CCDC7: variants seen among roughly 807,000 people sequenced by gnomAD.
The protein encoded by CCDC7 is coiled-coil domain-containing protein 7.
In CCDC7, 183 loss-of-function variants were observed where a neutral mutation model predicts 196.9. The observed-to-expected ratio is 0.93, with a 90% CI of 0.82 to 1.05. The LOEUF is 1.05. CCDC7 is among the 50% of genes least tolerant of loss of function. The pLI, the probability that CCDC7 is intolerant of heterozygous loss-of-function variation, is 0.00. For missense variants in CCDC7, 1,540 were observed against 1,482.2 expected (o/e 1.04, Z -0.64); for synonymous variants, 525 against 484.6 (o/e 1.08, Z -1.10).
intron 21 of CCDC7, among the ~76,000 whole-genome samples, chr10:32,676,471 C>G (rs1454942182): frequency 6.6e-6 from 1 of 151,416 alleles, no homozygotes; most frequent in Non-Finnish European, 1.5e-5. Context: ...ACCTACTCAT[C>G]TGACAAAGGG....
intron 5 of CCDC7, among the ~76,000 whole-genome samples, chr10:32,467,893 G>A (rs2133836162): frequency 6.6e-6 from 1 of 152,244 alleles, no homozygotes; most frequent in Admixed American, 6.5e-5. Flanking sequence ...TCAGATAGTT[G>A]TAGGTGTGCA....
Position 32,462,700 on chromosome 10 carries a change from T to TAAA in CCDC7, c.476_477insAAA (p.Lys159dup). 2.1e-6 allele frequency: 3 copies of TAAA among 1,457,556 alleles called. No homozygotes were observed. The South Asian group carries it at 3.8e-5, about 18-fold the overall frequency. The allele number at this position is 1,457,556 out of a possible 1,614,324, so 90.3% of individuals were successfully genotyped here. On this transcript the variant is annotated inframe_insertion, in exon 4 of 42. Transcript: ENST00000639629. Reference sequence around the variant, plus strand: ...TTTTTCAGATTTTGGAATCTCTTTTTAAGGTACGTTCAATATATTACAGCT... The same window carrying TAAA: ...TTTTTCAGATTTTGGAATCTCTTTTTAAAAAGGTACGTTCAATATATTACAGCT...
chr10:32,613,362 G>C (rs977941122), intron 18 of CCDC7, among the ~76,000 whole-genome samples: 1 of 150,884 alleles, frequency 6.6e-6, no homozygotes, highest in Admixed American at 6.7e-5. Flanking sequence ...CAAAAAACTA[G>C]CTCCTGGATT....
rs547813462 is a variant in CCDC7, at chr10:32,745,141, C to T, written c.2905+15684C>T. Reference sequence around the variant, plus strand: ...TTGGTTGACCATATTTGTGTGAATCCACTTCTGGGCTCTCTGTTCTGTGCC... The same window carrying T: ...TTGGTTGACCATATTTGTGTGAATCTACTTCTGGGCTCTCTGTTCTGTGCC... On this transcript the variant is annotated intron_variant, in intron 28 of 41. Transcript: ENST00000639629. Among the ~76,000 whole-genome samples, 5 of 152,186 alleles carry T rather than the reference C, an allele frequency of 3.3e-5. No homozygotes were observed. The East Asian group carries it at 5.8e-4, about 18-fold the overall frequency.
intron 39 of CCDC7, among the ~76,000 whole-genome samples, chr10:32,849,038 T>G (rs1168043637): frequency 6.6e-6 from 1 of 152,026 alleles, no homozygotes; most frequent in Non-Finnish European, 1.5e-5. Flanking sequence ...CTATTAAAAT[T>G]AACATTTTCA....
intron 28 of CCDC7, among the ~76,000 whole-genome samples, chr10:32,772,838 C>A (rs1005104491): frequency 1.3e-5 from 2 of 152,176 alleles, no homozygotes; most frequent in African/African-American, 2.4e-5. Flanking sequence ...CCAGAGGCAA[C>A]CTTCCGACCT....
rs117527741 is a variant in CCDC7 at position 32,498,362 on chromosome 10, C to T, written c.872+6365C>T. On this transcript the variant is annotated intron_variant, in intron 9 of 41. Transcript: ENST00000639629. ...TTTGCCAGTCTGTGTCTTTTGATTGCGGCATTTAGCTAATTTACATTTAAG... is the reference window on the plus strand; with the variant it reads ...TTTGCCAGTCTGTGTCTTTTGATTGTGGCATTTAGCTAATTTACATTTAAG... Among the ~76,000 whole-genome samples, 1,259 of 152,132 alleles carry T rather than the reference C, an allele frequency of 8.3e-3. 15 individuals are homozygous for T. Among genetic ancestry groups the T allele is most frequent in the Non-Finnish European group, 0.013 (881 of 67,994 alleles).
At chr10:32,571,533 C>G (rs1201665178) in intron 15 of CCDC7, among the ~76,000 whole-genome samples, 1 of 152,112 alleles carries the variant, frequency 6.6e-6, no homozygotes, top group African/African-American at 2.4e-5. Flanking sequence ...CAGGCCTGCT[C>G]TGTCTATGGA....
At chr10:32,778,105 C>A (rs750019160) in intron 28 of CCDC7, among the ~76,000 whole-genome samples, 2 of 152,110 alleles carry the variant, frequency 1.3e-5, no homozygotes, top group Non-Finnish European at 1.5e-5. Context: ...ATGCATAGTT[C>A]ATGGATATTT....
At chr10:32,629,565 C>T (rs72780307) in intron 18 of CCDC7, among the ~76,000 whole-genome samples, 6,170 of 152,066 alleles carry the variant, frequency 0.041, 193 homozygotes, top group Middle Eastern at 0.082. Flanking sequence ...GAAGAATGTG[C>T]GAGGGTGCTC....
chr10:32,461,879 C>T (rs1001855074), intron 3 of CCDC7, among the ~76,000 whole-genome samples: 3 of 151,386 alleles, frequency 2.0e-5, no homozygotes, highest in Middle Eastern at 3.4e-3. Context: ...TCAAGTGATT[C>T]TTCTGCCTCA....
At chr10:32,702,519 G>A (rs1439870023) in intron 24 of CCDC7, among the ~76,000 whole-genome samples, 5 of 152,174 alleles carry the variant, frequency 3.3e-5, no homozygotes, top group South Asian at 2.1e-4. Flanking sequence ...GGAGAGTTCC[G>A]TAGATGTCTA....
At chr10:32,784,453 C>T (rs1217914896) in intron 29 of CCDC7, among the ~76,000 whole-genome samples, 1 of 152,180 alleles carries the variant, frequency 6.6e-6, no homozygotes, top group Non-Finnish European at 1.5e-5. Flanking sequence ...GGTCAGCTCC[C>T]ACTCCCAAGT....
chr10:32,590,933 G>A (rs1210188982), intron 18 of CCDC7, among the ~76,000 whole-genome samples: 1 of 152,022 alleles, frequency 6.6e-6, no homozygotes. Context: ...TGACCTTTGG[G>A]AGTTTGATTA....
intron 21 of CCDC7, among the ~76,000 whole-genome samples, chr10:32,665,644 G>A (rs996066152): frequency 2.0e-5 from 3 of 152,088 alleles, no homozygotes; most frequent in Admixed American, 2.0e-4. Context: ...TTAAAATTAG[G>A]ATGTACAGTG....
chr10:32,763,285 A>T (rs922939624), intron 28 of CCDC7, among the ~76,000 whole-genome samples: 15 of 151,998 alleles, frequency 9.9e-5, no homozygotes, highest in African/African-American at 3.4e-4. Flanking sequence ...ACTAATCATC[A>T]GGGAAATCCA....
At chr10:32,509,629 G>T (rs541331530) in intron 9 of CCDC7, among the ~76,000 whole-genome samples, 1 of 152,080 alleles carries the variant, frequency 6.6e-6, no homozygotes, top group Admixed American at 6.5e-5. Context: ...CTATGGAATG[G>T]GAGAAAATAT....
intron 21 of CCDC7, among the ~76,000 whole-genome samples, chr10:32,674,548 G>C (rs998900359): frequency 6.6e-6 from 1 of 152,064 alleles, no homozygotes. Context: ...GGAGAATTGT[G>C]TGTATTCCGC....
At chr10:32,825,574 A>G (rs1302268917) in intron 32 of CCDC7, among the ~76,000 whole-genome samples, 1 of 152,090 alleles carries the variant, frequency 6.6e-6, no homozygotes, top group Non-Finnish European at 1.5e-5. Context: ...CTTTCCCTCT[A>G]GAGAACCCTA....
Sources: gnomAD v4.1 joint callset for allele counts (sites outside exome capture counted in the v4.1 genomes callset) on GRCh38, gnomAD v4.1.1 for gene constraint, MANE v1.5 for transcripts, NCBI Gene and HGNC (gene_info 2026-07-23, HGNC 2026-07-21) for gene names.